Variants in LRRK2 observed in about 807,000 individuals in gnomAD.
LRRK2 encodes the protein leucine-rich repeat serine/threonine-protein kinase 2.
Under a neutral mutation model 302.6 loss-of-function variants are expected in LRRK2, and 203 were observed. That is an observed-to-expected ratio of 0.67 (90% CI 0.60 to 0.75). The LOEUF (loss-of-function observed/expected upper bound fraction) is 0.75, where lower values mean the gene tolerates loss of function less well. LRRK2 is among the 30% of genes least tolerant of loss of function. The pLI, the probability that LRRK2 is intolerant of heterozygous loss-of-function variation, is 0.00. For synonymous variants in LRRK2, 1,066 were observed against 1,031.9 expected (o/e 1.03, Z -0.63); for missense variants, 2,830 against 2,951.0 (o/e 0.96, Z 0.95).
At chr12:40,337,396 G>C (rs1945904250) in intron 40 of LRRK2, among the ~76,000 whole-genome samples, 1 of 152,134 alleles carries the variant, frequency 6.6e-6, no homozygotes. Context: ...TGAAAATACA[G>C]TCAACTGCAT....
intron 5 of LRRK2, among the ~76,000 whole-genome samples, chr12:40,239,650 G>T (rs758273069): frequency 2.0e-5 from 3 of 152,036 alleles, no homozygotes; most frequent in Non-Finnish European, 2.9e-5. Flanking sequence ...CAGGACTCAG[G>T]GGTGACTATA....
At chr12:40,367,403 A>G (rs1946911685) in intron 50 of LRRK2, 1 of 406,468 alleles carries the variant, frequency 2.5e-6, no homozygotes. Flanking sequence ...TTCTTTTAGA[A>G]TATGAAATGT....
intron 5 of LRRK2, among the ~76,000 whole-genome samples, chr12:40,239,931 T>C (rs1215348803): frequency 1.3e-5 from 2 of 152,194 alleles, no homozygotes; most frequent in African/African-American, 2.4e-5. Context: ...CAAATGGAAC[T>C]TACTGGCTTG....
intron 2 of LRRK2, among the ~76,000 whole-genome samples, chr12:40,226,402 G>T (rs1048016236): frequency 6.6e-6 from 1 of 152,180 alleles, no homozygotes; most frequent in Non-Finnish European, 1.5e-5. Context: ...TTTGTCATCT[G>T]CATGTTAACT....
chr12:40,319,223 TTC>T (rs147201956), intron 33 of LRRK2, among the ~76,000 whole-genome samples: 1 of 152,258 alleles, frequency 6.6e-6, no homozygotes, highest in Non-Finnish European at 1.5e-5. Flanking sequence ...TGTTATTTCA[TTC>T]TCAGGGCAAT....
In LRRK2 at chr12:40,238,049, A is replaced by T; in HGVS notation, c.517A>T (p.Asn173Tyr). 6.2e-7 allele frequency: 1 copy of T among 1,613,740 alleles called. No individual in the cohort carries two copies. The highest frequency in any genetic ancestry group is 8.5e-7 in the Non-Finnish European group (1 of 1,179,796). The change falls in exon 5 of 51, where the codon AAT becomes TAT. Residue 173 changes from asparagine to tyrosine, a missense_variant. Around this residue, in one of 3 missense-constraint regions of LRRK2, gnomAD observed 2,121 missense variants for 2,148.0 expected, o/e 0.99. Transcript: ENST00000298910. The part of the protein sequence containing the change: ...IFDAMHSFPA[N>Y]DEVQKLGCKA... ...TGATGCCATGCACTCATTTCCAGCC[A>T]ATGATGAAGTCCAGAAACTTGGATG...
At chr12:40,351,416 G>T (rs2136992396) in intron 43 of LRRK2, 123 bp from the exon 44 acceptor site, 3 of 791,162 alleles carry the variant, frequency 3.8e-6, no homozygotes, top group Non-Finnish European at 6.3e-6. Flanking sequence ...ATCTAGTTGG[G>T]TTCCAGTTTA....
At chr12:40,334,597 T>G (rs1332526726) in intron 39 of LRRK2, among the ~76,000 whole-genome samples, 1 of 152,166 alleles carries the variant, frequency 6.6e-6, no homozygotes. Context: ...TATTTAATCT[T>G]CGTTAAGTAG....
chr12:40,320,077 G>C lies in LRRK2; in HGVS notation c.4917G>C (p.Arg1639Ser), dbSNP rs747364235. ...RDVEKFLSKK[R>S]KFPKNYMSQY... is the part of the protein sequence containing the mutation. ...TGGAAAAATTTCTTTCAAAAAAAAG[G>C]AAATTTCCAAAGAACTACATGTCAC... The change falls in exon 34 of 51, where the codon AGG becomes AGC. Residue 1639 changes from arginine to serine, a missense_variant. By Grantham distance (110) the Arg-to-Ser change is moderately radical. Coordinates refer to ENST00000298910, the MANE Select transcript of LRRK2 (RefSeq NM_198578.4). 9.3e-6 allele frequency: 15 copies of C among 1,611,468 alleles called. No homozygotes were observed. The South Asian group carries it at 1.7e-4, about 18-fold the overall frequency.
rs200765656 is a variant in LRRK2, at chr12:40,346,758, C to T, written c.6115C>T (p.Arg2039Cys). ...IKTSEGTPGF[R>C]APEVARGNVI... Reference sequence around the variant, plus strand: ...TTTTATCTGCTTACTTTCAGGGTTTCGTGCACCTGAAGTTGCCAGAGGAAA... The same window carrying T: ...TTTTATCTGCTTACTTTCAGGGTTTTGTGCACCTGAAGTTGCCAGAGGAAA... The change falls in exon 42 of 51, where the codon CGT (arginine) becomes TGT (cysteine). Residue 2039 changes from arginine (R) to cysteine (C), a missense_variant. Around this residue, in one of 3 missense-constraint regions of LRRK2, gnomAD observed 253 missense variants for 346.7 expected, o/e 0.73. Coordinates refer to ENST00000298910, the MANE Select transcript of LRRK2 (RefSeq NM_198578.4). 1.2e-6 allele frequency: 2 copies of T among 1,613,704 alleles called. No homozygotes were observed. The highest frequency in any genetic ancestry group is 1.7e-6 in the Non-Finnish European group (2 of 1,179,784).
chr12:40,258,595 G>A (rs549747198), intron 12 of LRRK2, among the ~76,000 whole-genome samples: 4 of 152,270 alleles, frequency 2.6e-5, no homozygotes, highest in African/African-American at 9.6e-5. Flanking sequence ...CTCTGACAGT[G>A]TGTCTGCCCC....
chr12:40,274,712 T>C lies in LRRK2; in HGVS notation c.1786T>C (p.Tyr596His), dbSNP rs1017699656. 1 of 1,613,980 alleles carries C rather than the reference T, an allele frequency of 6.2e-7. No homozygotes were observed. The highest frequency in any genetic ancestry group is 1.3e-5 in the African/African-American group (1 of 74,944). The change falls in exon 15 of 51, where the codon TAT becomes CAT. Residue 596 changes from tyrosine to histidine, a missense_variant. Around this residue, in one of 3 missense-constraint regions of LRRK2, gnomAD observed 2,121 missense variants for 2,148.0 expected, o/e 0.99. Transcript: ENST00000298910. ...TTCAGTGCTTCACACACTGCAGATG[T>C]ATCCAGATGACCAAGGTCAGTACAA... ...MDSVLHTLQMYPDDQEIQCLG... is the reference protein window; with the variant it reads ...MDSVLHTLQMHPDDQEIQCLG...
At chr12:40,317,439 A>G (rs1401413579) in intron 33 of LRRK2, among the ~76,000 whole-genome samples, 1 of 152,132 alleles carries the variant, frequency 6.6e-6, no homozygotes, top group Non-Finnish European at 1.5e-5. Flanking sequence ...ATTCACCTTC[A>G]TGAATCAAGG....
chr12:40,327,058 GT>G (rs958729085), intron 38 of LRRK2, among the ~76,000 whole-genome samples: 2 of 152,054 alleles, frequency 1.3e-5, no homozygotes, highest in African/African-American at 4.8e-5. Context: ...AGACTGTTTT[GT>G]GTGTATTCAC....
At chr12:40,231,941 T>A (rs567991086) in intron 2 of LRRK2, among the ~76,000 whole-genome samples, 1 of 151,820 alleles carries the variant, frequency 6.6e-6, no homozygotes, top group Non-Finnish European at 1.5e-5. Flanking sequence ...GTAGCTGAGA[T>A]TACAGGCGCC....
intron 47 of LRRK2, among the ~76,000 whole-genome samples, chr12:40,360,528 A>T (rs1389708733): frequency 6.6e-6 from 1 of 152,034 alleles, no homozygotes; most frequent in Non-Finnish European, 1.5e-5. Flanking sequence ...CATTAACAAG[A>T]GCATCCAGTT....
chr12:40,305,964 A>C lies in LRRK2; in HGVS notation c.3957A>C (p.Ile1319=). Residue 1319 remains isoleucine, a splice_region_variant and synonymous_variant, in exon 28 of 51, where the codon ATA becomes ATC. Transcript: ENST00000298910. ...KHIGCKAKDI[I]RFLQQRLKKA... ...TAGGATGTAAAGCCAAAGACATCAT[A>C]AGGTTAGATAATTTTTTTCTATTTG... 2 of 1,602,816 alleles carry C rather than the reference A, an allele frequency of 1.2e-6. No individual in the cohort carries two copies. The highest frequency in any genetic ancestry group is 2.2e-5 in the East Asian group (1 of 44,696).
rs145364431 is a variant in LRRK2 at position 40,322,047 on chromosome 12, G to A, written c.5183G>A (p.Arg1728His). ...CTCCATTTTTTAGAACGAGCACTTC[G>A]CCCAAACAGAATGTATTGGCGACAA... ...YMLSGRERAL[R>H]PNRMYWRQGI... The change falls in exon 36 of 51, where the codon CGC becomes CAC. Residue 1728 changes from arginine to histidine, a missense_variant. Transcript: ENST00000298910. 13 of 1,612,872 alleles carry A rather than the reference G, an allele frequency of 8.1e-6. No homozygotes were observed. Among genetic ancestry groups the A allele is most frequent in the African/African-American group, 5.3e-5 (4 of 74,772 alleles).
At chr12:40,247,041 T>C (rs1201919301) in intron 7 of LRRK2, among the ~76,000 whole-genome samples, 1 of 152,178 alleles carries the variant, frequency 6.6e-6, no homozygotes, top group Non-Finnish European at 1.5e-5. Flanking sequence ...GAATATTTTG[T>C]ACAAAATTAG....
Sources: allele counts gnomAD v4.1 joint callset (sites outside exome capture counted in the v4.1 genomes callset), GRCh38; gene constraint gnomAD v4.1.1; regional missense constraint gnomAD v4.1.1; transcripts MANE v1.5; gene names NCBI Gene and HGNC (gene_info 2026-07-23, HGNC 2026-07-21).